The following LDLRAD4 variants were observed in gnomAD, a reference collection of about 807,000 sequenced individuals.
The protein encoded by LDLRAD4 is low-density lipoprotein receptor class A domain-containing protein 4.
A neutral mutation model predicts 17.0 loss-of-function variants in LDLRAD4; 5 were observed. The ratio of observed to expected loss-of-function variants is 0.29; its 90% CI spans 0.15 to 0.62. LDLRAD4 has a LOEUF of 0.62. LDLRAD4 is among the 20% of genes least tolerant of loss of function. LDLRAD4 has a pLI of 0.84. For synonymous variants in LDLRAD4, 168 were observed against 171.8 expected (o/e 0.98, Z 0.17); for missense variants, 340 against 424.7 (o/e 0.80, Z 1.75).
chr18:13,421,235 T>C (rs2089421565), intron 2 of LDLRAD4: 1 of 152,322 alleles, frequency 6.6e-6, no homozygotes, highest in Non-Finnish European at 1.5e-5. Context: ...TTGTATAGTT[T>C]GACTCTTATT....
intron 3 of LDLRAD4, among the ~76,000 whole-genome samples, chr18:13,617,291 C>A (rs2040182928): frequency 6.6e-6 from 1 of 152,082 alleles, no homozygotes; most frequent in African/African-American, 2.4e-5. Flanking sequence ...TCTTTCTTAT[C>A]CTTGCCTGAA....
At chr18:13,399,321 C>T (rs189485793) in intron 2 of LDLRAD4, among the ~76,000 whole-genome samples, 1 of 152,314 alleles carries the variant, frequency 6.6e-6, no homozygotes, top group Admixed American at 6.5e-5. Context: ...TACCACACCA[C>T]CCTGTGTGGC....
At chr18:13,361,698 G>T (rs879461839) in intron 1 of LDLRAD4, among the ~76,000 whole-genome samples, 2 of 152,188 alleles carry the variant, frequency 1.3e-5, no homozygotes, top group African/African-American at 4.8e-5. Context: ...AGGTGAGGCC[G>T]TGCTGACAGC....
intron 2 of LDLRAD4, among the ~76,000 whole-genome samples, chr18:13,414,319 A>G (rs2088665863): frequency 6.6e-6 from 1 of 152,212 alleles, no homozygotes; most frequent in African/African-American, 2.4e-5. Context: ...TCATCCTTGT[A>G]GGATGGGGTT....
At chr18:13,274,238 C>T (rs1242204659), upstream of LDLRAD4, among the ~76,000 whole-genome samples, 2 of 152,150 alleles carry the variant, frequency 1.3e-5, no homozygotes, top group Non-Finnish European at 2.9e-5. Context: ...TGGAAAAAGC[C>T]TGTGTTTACT....
chr18:13,348,813 A>G (rs866119022), intron 1 of LDLRAD4, among the ~76,000 whole-genome samples: 1 of 152,074 alleles, frequency 6.6e-6, no homozygotes, highest in African/African-American at 2.4e-5. Flanking sequence ...TTGCAGTTTT[A>G]TCTCAGACTG....
intron 3 of LDLRAD4, chr18:13,612,572 T>C: frequency 1.4e-6 from 2 of 1,413,818 alleles, no homozygotes; most frequent in Non-Finnish European, 9.3e-7. Flanking sequence ...GCTCACACAC[T>C]CTCCCACACC....
At chr18:13,315,105 T>G (rs2080857292) in intron 1 of LDLRAD4, among the ~76,000 whole-genome samples, 1 of 152,178 alleles carries the variant, frequency 6.6e-6, no homozygotes, top group Non-Finnish European at 1.5e-5. Flanking sequence ...AGACTTCCTG[T>G]TAGGTCCTGA....
chr18:13,424,166 TC>T (rs2089736366), intron 2 of LDLRAD4, among the ~76,000 whole-genome samples: 1 of 152,020 alleles, frequency 6.6e-6, no homozygotes, highest in Non-Finnish European at 1.5e-5. Flanking sequence ...AAAAAAAACT[TC>T]CAGTGTTTTA....
At chr18:13,321,759 G>A (rs1387140450) in intron 1 of LDLRAD4, among the ~76,000 whole-genome samples, 1 of 150,640 alleles carries the variant, frequency 6.6e-6, no homozygotes, top group South Asian at 2.1e-4. Flanking sequence ...TGCTCGGGAG[G>A]CTGAGGCAGG....
intron 1 of LDLRAD4, among the ~76,000 whole-genome samples, chr18:13,269,503 C>T (rs533034348): frequency 5.9e-5 from 9 of 151,868 alleles, no homozygotes; most frequent in Non-Finnish European, 8.8e-5. Flanking sequence ...TAAAATGATC[C>T]GTTAATGTGG....
chr18:13,419,271 T>G (rs1447218821), intron 2 of LDLRAD4: 1 of 152,186 alleles, frequency 6.6e-6, no homozygotes, highest in Non-Finnish European at 1.5e-5. Context: ...TTTTGTGTCA[T>G]TTTACAACAT....
chr18:13,539,865 C>T (rs1434655803), intron 3 of LDLRAD4, among the ~76,000 whole-genome samples: 1 of 152,188 alleles, frequency 6.6e-6, no homozygotes, highest in Non-Finnish European at 1.5e-5. Context: ...AATGTCAACA[C>T]TGGAAGGGAG....
At chr18:13,608,016 G>T (rs1306542111) in intron 3 of LDLRAD4, among the ~76,000 whole-genome samples, 1 of 152,152 alleles carries the variant, frequency 6.6e-6, no homozygotes, top group East Asian at 1.9e-4. Flanking sequence ...TTGAGGAATT[G>T]CCACACTGTC....
At chr18:13,534,837 C>G (rs978551093) in intron 3 of LDLRAD4, among the ~76,000 whole-genome samples, 1 of 152,158 alleles carries the variant, frequency 6.6e-6, no homozygotes, top group Non-Finnish European at 1.5e-5. Flanking sequence ...ATACCCAGTC[C>G]CCAGTCCCGA....
intron 1 of LDLRAD4, among the ~76,000 whole-genome samples, chr18:13,223,967 C>T (rs896101470): frequency 1.3e-5 from 2 of 152,200 alleles, no homozygotes; most frequent in Non-Finnish European, 2.9e-5. Context: ...CATCTGGGAC[C>T]ACTTACTGGC....
chr18:13,636,423 G>GAA (rs1309753970), intron 4 of LDLRAD4, among the ~76,000 whole-genome samples: 1 of 125,778 alleles, frequency 8.0e-6, no homozygotes, highest in African/African-American at 2.9e-5. Flanking sequence ...TTTCATTTTA[G>GAA]AAAAAAAAAA....
At chr18:13,287,557 G>A (rs1255896000) in intron 1 of LDLRAD4, among the ~76,000 whole-genome samples, 1 of 152,174 alleles carries the variant, frequency 6.6e-6, no homozygotes, top group Non-Finnish European at 1.5e-5. Flanking sequence ...TAATTGGCTG[G>A]TGACTACGAC....
At chr18:13,487,624 G>C (rs1426974432) in intron 3 of LDLRAD4, 1 of 152,262 alleles carries the variant, frequency 6.6e-6, no homozygotes, top group African/African-American at 2.4e-5. Flanking sequence ...CAATAAGTAT[G>C]ACTAAACTCC....
Sources: allele counts gnomAD v4.1 joint callset (sites outside exome capture counted in the v4.1 genomes callset), GRCh38; gene constraint gnomAD v4.1.1; transcripts MANE v1.5; gene names NCBI Gene and HGNC (gene_info 2026-07-23, HGNC 2026-07-21).